PRDM10: variants seen among roughly 807,000 people sequenced by gnomAD.
PRDM10 encodes PR domain zinc finger protein 10.
Under a neutral mutation model 133.1 loss-of-function variants are expected in PRDM10, and 65 were observed. That is an observed-to-expected ratio of 0.49 (90% CI 0.40 to 0.60). PRDM10 has a LOEUF of 0.60. Among genes scored for constraint, PRDM10 ranks in the 20% least tolerant of loss-of-function variants. The probability of loss-of-function intolerance (pLI) is 0.00; values close to 1 mark genes in which losing one functional copy is unlikely to be tolerated. For missense variants in PRDM10, 1,137 were observed against 1,507.1 expected, an observed-to-expected ratio of 0.75 and a Z score of 4.07; for synonymous variants, 582 against 580.4, an observed-to-expected ratio of 1.00 and a Z score of -0.04.
At chr11:129,921,299 T>C (rs1191586719) in intron 13 of PRDM10, among the ~76,000 whole-genome samples, 1 of 152,130 alleles carries the variant, frequency 6.6e-6, no homozygotes, top group East Asian at 1.9e-4. Context: ...AAATGCCCCA[T>C]ATGAAGTGAC....
In PRDM10 at chr11:129,920,184, T is replaced by G. The variant is rs184757435; in HGVS notation, c.2035-1466A>C. Among the ~76,000 whole-genome samples, 3 of 152,226 alleles carry G rather than the reference T, an allele frequency of 2.0e-5. No homozygotes were observed. The East Asian group carries it at 5.8e-4, about 29-fold the overall frequency. On this transcript the variant is annotated intron_variant, in intron 13 of 20. Transcript: ENST00000360871. ...CAACCAACTGACCTTAACCGAATCA[T>G]CACATAAATTTCAAAGCCTAACACA...
intron 1 of PRDM10, among the ~76,000 whole-genome samples, chr11:129,998,620 T>C (rs544454386): frequency 1.3e-5 from 2 of 152,242 alleles, no homozygotes; most frequent in African/African-American, 2.4e-5. Context: ...CTCTTTCCAC[T>C]CCACTTCCTC....
Position 129,932,180 on chromosome 11 carries a change from T to A in PRDM10, c.1209A>T (p.Arg403=), listed in dbSNP as rs1950891282. 2 of 1,614,026 alleles carry A rather than the reference T, an allele frequency of 1.2e-6. No individual in the cohort carries two copies. Among genetic ancestry groups the A allele is most frequent in the South Asian group, 2.2e-5 (2 of 91,082 alleles). ...TAAATTTTGGAGGACGCCCCGGCCG[T>A]CGACCTGGACCGAATCGCCTCTTGC... ...GRGKRRFGPG[R]RPGRPPKFIR... Residue 403 remains arginine, a synonymous_variant, in exon 10 of 21, where the codon CGA becomes CGT. Transcript: ENST00000360871.
intron 3 of PRDM10, 93 bp downstream of exon 3, chr11:129,957,653 C>A: frequency 7.0e-7 from 1 of 1,434,746 alleles, no homozygotes; most frequent in Non-Finnish European, 9.5e-7. Flanking sequence ...TACTGCATCA[C>A]CAGTACCTAG....
rs60308010 is a variant in PRDM10, at chr11:129,945,579, AT to A, written c.521-568del. On this transcript the variant is annotated intron_variant, in intron 5 of 20. Coordinates refer to ENST00000360871, the MANE Select transcript of PRDM10 (RefSeq NM_199437.2). This position sits in a 1 kb window ranked among gnomAD's most constrained non-coding sequence, Gnocchi z 4.2. ...GATTAGATAATGCTAAAATGAACAAATTTAGAATCCCTTCCTTCATTCACTG... is the reference window on the plus strand; with the variant it reads ...GATTAGATAATGCTAAAATGAACAAATTAGAATCCCTTCCTTCATTCACTG... 9.9e-3 allele frequency among the ~76,000 whole-genome samples: 1,510 copies of A among 152,298 alleles called. 24 individuals are homozygous for A. Among genetic ancestry groups the A allele is most frequent in the African/African-American group, 0.034 (1,427 of 41,568 alleles).
chr11:129,935,553 G>A (rs1054252996), intron 8 of PRDM10, among the ~76,000 whole-genome samples: 2 of 152,110 alleles, frequency 1.3e-5, no homozygotes, highest in African/African-American at 2.4e-5. Flanking sequence ...ATAACCTAGC[G>A]ATTCAGACCC....
intron 1 of PRDM10, among the ~76,000 whole-genome samples, chr11:129,972,030 G>A (rs1427617997): frequency 1.3e-5 from 2 of 152,234 alleles, no homozygotes; most frequent in African/African-American, 2.4e-5. Flanking sequence ...CCAGTGGGCC[G>A]GGACCCAGTA....
intron 1 of PRDM10, among the ~76,000 whole-genome samples, chr11:129,968,441 G>A (rs1484497315): frequency 6.6e-6 from 1 of 152,176 alleles, no homozygotes; most frequent in East Asian, 1.9e-4. Flanking sequence ...AAAAACGGAG[G>A]AGGGTGAGTG....
chr11:129,931,383 G>A, intron 10 of PRDM10, 125 bp from the exon 11 acceptor site: 5 of 1,317,586 alleles, frequency 3.8e-6, no homozygotes, highest in Non-Finnish European at 4.1e-6. Flanking sequence ...CTCCCTCTGG[G>A]AAAGTTAATT....
rs149049130 is a variant in PRDM10 at position 129,941,608 on chromosome 11, G to A, written c.966+818C>T. On this transcript the variant is annotated intron_variant, in intron 7 of 20. Coordinates refer to ENST00000360871, the MANE Select transcript of PRDM10 (RefSeq NM_199437.2). ...CAAGTTTTTGACATGACGATGGTGT[G>A]AGAGTGAGATGCGTTCAAGTAGAAA... Among the ~76,000 whole-genome samples, 212 of 152,344 alleles carry A rather than the reference G, an allele frequency of 1.4e-3. 1 individual carries two copies. The highest frequency in any genetic ancestry group is 4.8e-3 in the African/African-American group (198 of 41,584).
At chr11:129,907,957 CA>C (rs908161636) in intron 19 of PRDM10, among the ~76,000 whole-genome samples, 1 of 151,530 alleles carries the variant, frequency 6.6e-6, no homozygotes, top group African/African-American at 2.4e-5. Context: ...AAGAATTAGC[CA>C]AACATGGTGG....
intron 11 of PRDM10, among the ~76,000 whole-genome samples, chr11:129,930,318 A>G (rs1950813097): frequency 6.6e-6 from 1 of 152,228 alleles, no homozygotes; most frequent in Non-Finnish European, 1.5e-5. Context: ...TATCCCACAA[A>G]GCCATATTGT....
At chr11:129,927,353 C>T (rs182107327) in intron 11 of PRDM10, among the ~76,000 whole-genome samples, 19 of 152,216 alleles carry the variant, frequency 1.2e-4, no homozygotes, top group African/African-American at 3.4e-4. Context: ...CAAAACTTTA[C>T]GGAAATATTG....
intron 1 of PRDM10, among the ~76,000 whole-genome samples, chr11:129,980,893 C>CA (rs1261289814): frequency 1.0e-5 from 1 of 97,696 alleles, no homozygotes; most frequent in Non-Finnish European, 1.8e-5. Context: ...TTTTTTGAGA[C>CA]AGAGTTTCAC....
At position 129,957,788 on chromosome 11, in the gene PRDM10, T is replaced by C. The variant is rs775589532; in HGVS notation, c.192A>G (p.Pro64=). The C allele has an allele frequency of 1.9e-6, 3 of 1,614,104 alleles. No homozygotes were observed. The highest frequency in any genetic ancestry group is 3.3e-5 in the Admixed American group (2 of 60,012). The change falls in exon 3 of 21, where the codon CCA becomes CCG. Residue 64 remains proline (P), a synonymous_variant. Coordinates refer to ENST00000360871, the MANE Select transcript of PRDM10 (RefSeq NM_199437.2). ...DGASYTSVDG[P]EHTLVYIHPV... ...GGTGGATGTACACCAGCGTGTGCTCTGGACCATCCACTGATGTGTAGGAGG... is the reference window on the plus strand; with the variant it reads ...GGTGGATGTACACCAGCGTGTGCTCCGGACCATCCACTGATGTGTAGGAGG...
At chr11:129,931,843 C>T (rs1950878898) in intron 10 of PRDM10, among the ~76,000 whole-genome samples, 1 of 152,216 alleles carries the variant, frequency 6.6e-6, no homozygotes. Flanking sequence ...GCTGGGATTA[C>T]AGGCATGAGC....
At chr11:129,961,198 C>CA (rs201740783) in intron 1 of PRDM10, 116 bp from the exon 2 acceptor site, 5 of 461,670 alleles carry the variant, frequency 1.1e-5, no homozygotes, top group East Asian at 1.0e-4. Context: ...CACGCCTGGG[C>CA]AAAAAAATGT....
At chr11:129,969,306 TTAAG>T (rs1188836913) in intron 1 of PRDM10, among the ~76,000 whole-genome samples, 1 of 152,180 alleles carries the variant, frequency 6.6e-6, no homozygotes, top group Non-Finnish European at 1.5e-5. Flanking sequence ...TGGGCTTGGT[TTAAG>T]TGAGTTACCA....
chr11:129,907,328 G>C (rs375175197), intron 19 of PRDM10, among the ~76,000 whole-genome samples: 83 of 152,284 alleles, frequency 5.5e-4, no homozygotes, highest in African/African-American at 1.9e-3. Flanking sequence ...ACTTAAAAGA[G>C]TGAACACATA....
Sources: allele counts gnomAD v4.1 joint callset (sites outside exome capture counted in the v4.1 genomes callset), GRCh38; gene constraint gnomAD v4.1.1; non-coding constraint Gnocchi (gnomAD v3.1); transcripts MANE v1.5; gene names NCBI Gene and HGNC (gene_info 2026-07-23, HGNC 2026-07-21).